TTC19: variants seen among roughly 807,000 people sequenced by gnomAD.
TTC19 encodes tetratricopeptide repeat protein 19, mitochondrial.
A neutral mutation model predicts 49.5 loss-of-function variants in TTC19; 38 were observed. The observed-to-expected ratio is 0.77, with a 90% confidence interval of 0.59 to 1.01. The LOEUF (loss-of-function observed/expected upper bound fraction) is 1.01. Ranked by LOEUF, TTC19 falls within the 50% of genes least tolerant of loss-of-function variation. TTC19 has a pLI of 0.00. For synonymous variants in TTC19, 204 were observed against 185.2 expected (o/e 1.10, Z -0.83); for missense variants, 475 against 477.7 (o/e 0.99, Z 0.05).
At chr17:16,036,523 A>G (rs924024317) in intron 2 of TTC19, among the ~76,000 whole-genome samples, 2 of 152,216 alleles carry the variant, frequency 1.3e-5, no homozygotes, top group African/African-American at 2.4e-5. Context: ...TTTTGTCTAC[A>G]TGGAAGATCT....
intron 2 of TTC19, chr17:16,040,585 C>T: frequency 9.3e-7 from 1 of 1,079,756 alleles, no homozygotes; most frequent in Non-Finnish European, 1.4e-6. Context: ...TAAAATTAAT[C>T]TTTTTATTTT....
intron 9 of TTC19, 109 bp from the exon 10 acceptor site, chr17:16,027,265 A>AT: frequency 7.5e-7 from 1 of 1,326,706 alleles, no homozygotes; most frequent in Non-Finnish European, 1.1e-6. Flanking sequence ...TTGTCGCTTC[A>AT]TAAGCACACA....
At position 16,028,030 on chromosome 17, in the gene TTC19, A is replaced by G; in HGVS notation, c.*508A>G. ...TCATGAAGCACAAGTGGAATTTAAT[A>G]CATAAAAGAGAAAAATATCTTAGTT... On this transcript the variant is annotated 3_prime_UTR_variant, in exon 10 of 10. Coordinates refer to ENST00000261647, the MANE Select transcript of TTC19 (RefSeq NM_017775.4). 1 of 454,150 alleles carries G rather than the reference A, an allele frequency of 2.2e-6. No homozygotes were observed. The highest frequency in any genetic ancestry group is 4.4e-6 in the Non-Finnish European group (1 of 226,814). 28.1% of individuals were successfully genotyped at this position (454,150 alleles called of 1,614,324 possible).
Position 16,000,316 on chromosome 17 carries a change from C to T in TTC19, c.312+71C>T, listed in dbSNP as rs754666601. 3.2e-6 allele frequency: 5 copies of T among 1,575,182 alleles called. No individual in the cohort carries two copies. In the East Asian group the frequency reaches 6.8e-5, roughly 21 times the overall value. On this transcript the variant is annotated intron_variant, in intron 2 of 9. Transcript: ENST00000261647. ...TGTGAGCGGGGTCTTGGCGTTGCTG[C>T]GCATTACTCTCTCCGCCTCGCCGAA...
At position 16,000,149 on chromosome 17, in the gene TTC19, A is replaced by G. The variant is rs1374206272; in HGVS notation, c.216A>G (p.Ala72=). The change falls in exon 2 of 10, where the codon GCA becomes GCG. Residue 72 remains alanine, a synonymous_variant. Transcript: ENST00000261647. The part of the protein sequence containing the change: ...ALAWFSRPAA[A]EEEEQQGADG... The stretch of plus-strand genomic sequence containing the variant: ...CCTGGTTCTCGAGGCCCGCTGCGGC[A>G]GAGGAGGAGGAGCAGCAGGGAGCCG... 36 of 1,584,048 alleles carry G rather than the reference A, an allele frequency of 2.3e-5. No homozygotes were observed. Among genetic ancestry groups the G allele is most frequent in the Non-Finnish European group, 2.8e-5 (33 of 1,173,698 alleles).
intron 7 of TTC19, among the ~76,000 whole-genome samples, chr17:16,017,939 G>A (rs1254883085): frequency 6.6e-6 from 1 of 152,132 alleles, no homozygotes; most frequent in East Asian, 1.9e-4. Context: ...ATGATTTTCA[G>A]TTGTATAAGG....
intron 2 of TTC19, among the ~76,000 whole-genome samples, chr17:16,041,887 C>T (rs376405133): frequency 6.6e-6 from 1 of 152,172 alleles, no homozygotes; most frequent in Non-Finnish European, 1.5e-5. Flanking sequence ...CAGGCGCCCG[C>T]CACTATGCCT....
At chr17:16,005,555 T>G (rs1159196126) in intron 6 of TTC19, among the ~76,000 whole-genome samples, 1 of 152,212 alleles carries the variant, frequency 6.6e-6, no homozygotes, top group Non-Finnish European at 1.5e-5. Context: ...TTCTGTCACA[T>G]TTCCTCTGCA....
rs1437828061 is a variant in TTC19 at position 16,004,182 on chromosome 17, C to A, written c.520-19C>A. ...AAATTTACTTGTTATGAGTTCCCTTCATTCTCTTTCTCTCACAGGAGGACA... is the reference window on the plus strand; with the variant it reads ...AAATTTACTTGTTATGAGTTCCCTTAATTCTCTTTCTCTCACAGGAGGACA... On this transcript the variant is annotated intron_variant, in intron 5 of 9. Coordinates refer to ENST00000261647, the MANE Select transcript of TTC19 (RefSeq NM_017775.4). The A allele has an allele frequency of 6.2e-7, 1 of 1,612,918 alleles. No homozygotes were observed. Among genetic ancestry groups the A allele is most frequent in the Non-Finnish European group, 8.5e-7 (1 of 1,178,814 alleles).
intron 7 of TTC19, among the ~76,000 whole-genome samples, chr17:16,008,955 T>C (rs1025290951): frequency 2.0e-5 from 3 of 152,246 alleles, no homozygotes; most frequent in Admixed American, 1.3e-4. Flanking sequence ...ACTAAAAGTA[T>C]GTTTTTGTTT....
chr17:16,038,479 TG>T (rs2056888511), intron 2 of TTC19, among the ~76,000 whole-genome samples: 2 of 152,080 alleles, frequency 1.3e-5, no homozygotes, highest in South Asian at 4.2e-4. Flanking sequence ...CTTTGTCACC[TG>T]GGCTGGAGTG....
In TTC19 at chr17:15,999,998, C is replaced by T. The variant is rs1345978496; in HGVS notation, c.150C>T (p.His50=). Reference sequence around the variant, plus strand: ...TGCCGCCATCCCGAGTCGCGCCGCACGGCCGGGGCCCAGGCCTGCTGCCGC... The same window carrying T: ...TGCCGCCATCCCGAGTCGCGCCGCATGGCCGGGGCCCAGGCCTGCTGCCGC... ...VQVPPSRVAP[H]GRGPGLLPLL... is the part of the protein sequence containing the mutation. Residue 50 remains histidine (H), a synonymous_variant, in exon 1 of 10, where the codon CAC becomes CAT. Transcript: ENST00000261647. The T allele has an allele frequency of 1.6e-6, 2 of 1,257,446 alleles. No individual in the cohort carries two copies. The highest frequency in any genetic ancestry group is 1.0e-6 in the Non-Finnish European group (1 of 1,003,540). 77.9% of individuals were successfully genotyped at this position (1,257,446 alleles called of 1,614,324 possible).
downstream of TTC19, among the ~76,000 whole-genome samples, chr17:16,033,989 C>T (rs1404856003): frequency 6.6e-6 from 1 of 152,130 alleles, no homozygotes; most frequent in Non-Finnish European, 1.5e-5. Flanking sequence ...AGCCACCGCG[C>T]CCAGCTAGAT....
Position 16,037,131 on chromosome 17 carries a change from G to A in TTC19, c.248-7372G>A, listed in dbSNP as rs576764554. Among the ~76,000 whole-genome samples, 199 of 152,328 alleles carry A rather than the reference G, an allele frequency of 1.3e-3. 1 individual carries two copies. The highest frequency in any genetic ancestry group is 4.5e-3 in the African/African-American group (189 of 41,578). Reference sequence around the variant, plus strand: ...TCAGGGAATAAGGGAGCCAGAGGAGGAGAGAGACAGGGAACAACCAGTCAG... The same window carrying A: ...TCAGGGAATAAGGGAGCCAGAGGAGAAGAGAGACAGGGAACAACCAGTCAG... On this transcript the variant is annotated intron_variant, in intron 2 of 2. Coordinates refer to the TTC19 transcript ENST00000470649.
downstream of TTC19, chr17:16,030,961 A>G: frequency 5.1e-6 from 1 of 196,562 alleles, no homozygotes; most frequent in Non-Finnish European, 1.1e-5. Flanking sequence ...TCCAGTTACC[A>G]GTGGCATTCT....
At chr17:16,006,041 C>G (rs936049292) in intron 6 of TTC19, among the ~76,000 whole-genome samples, 1 of 152,284 alleles carries the variant, frequency 6.6e-6, no homozygotes, top group African/African-American at 2.4e-5. Context: ...GCAAAGTTCC[C>G]TCTTCCCATT....
chr17:16,044,895 G>A, exon 3 of TTC19: 1 of 720,854 alleles, frequency 1.4e-6, no homozygotes, highest in Non-Finnish European at 2.4e-6. Context: ...TGAGAAGAAA[G>A]TGGAAGCAAA....
chr17:16,040,156 A>C (rs1336517133), intron 2 of TTC19: 1 of 548,688 alleles, frequency 1.8e-6, no homozygotes, highest in Non-Finnish European at 3.4e-6. Flanking sequence ...TCAGTCACCC[A>C]CACTTCTATT....
chr17:16,004,235 T>C lies in TTC19; in HGVS notation c.554T>C (p.Leu185Pro), dbSNP rs1187416161. 6.2e-7 allele frequency: 1 copy of C among 1,614,252 alleles called. No homozygotes were observed. Among genetic ancestry groups the C allele is most frequent in the South Asian group, 1.1e-5 (1 of 91,084 alleles). ...GCAATAATTGAAATTTCCCTAAAGC[T>C]GGCCAGTATCTATGCTGCGCAGAAC... Reference protein sequence around the residue: ...DNAIIEISLKLASIYAAQNRQ... With the variant: ...DNAIIEISLKPASIYAAQNRQ... The change falls in exon 6 of 10, where the codon CTG becomes CCG. Residue 185 changes from leucine to proline, a missense_variant. By Grantham distance (98) the Leu-to-Pro change is moderately conservative. Coordinates refer to ENST00000261647, the MANE Select transcript of TTC19 (RefSeq NM_017775.4).
Sources: allele counts gnomAD v4.1 joint callset (sites outside exome capture counted in the v4.1 genomes callset), GRCh38; gene constraint gnomAD v4.1.1; transcripts MANE v1.5; gene names NCBI Gene and HGNC (gene_info 2026-07-23, HGNC 2026-07-21).